The following SLC35F3 variants were observed in gnomAD, a reference collection of about 807,000 sequenced individuals.
SLC35F3 encodes the protein solute carrier family 35 member F3.
SLC35F3 carries 25 observed loss-of-function variants against 49.9 expected under a neutral mutation model. The ratio of observed to expected loss-of-function variants is 0.50; its 90% CI spans 0.37 to 0.70. SLC35F3 has a LOEUF of 0.70. Ranked by LOEUF, SLC35F3 falls within the 30% of genes least tolerant of loss-of-function variation. The pLI is 0.00. For synonymous variants in SLC35F3, 275 were observed against 265.4 expected, an observed-to-expected ratio of 1.04 and a Z score of -0.35; for missense variants, 525 against 639.8, an observed-to-expected ratio of 0.82 and a Z score of 1.94.
Position 234,230,250 on chromosome 1 carries a change from T to C in SLC35F3, c.284-1167T>C, listed in dbSNP as rs558887478. ...ACGATATTAGCTAACACCTGAAAAATAGATTACATTGAATCACAATTTTGC... is the reference window on the plus strand; with the variant it reads ...ACGATATTAGCTAACACCTGAAAAACAGATTACATTGAATCACAATTTTGC... On this transcript the variant is annotated intron_variant, in intron 2 of 7. Transcript: ENST00000366618. Among the ~76,000 whole-genome samples, 4 of 152,286 alleles carry C rather than the reference T, an allele frequency of 2.6e-5. 1 individual carries two copies. The highest frequency in any genetic ancestry group is 9.6e-5 in the African/African-American group (4 of 41,550).
intron 2 of SLC35F3, among the ~76,000 whole-genome samples, chr1:234,094,080 G>A (rs536009923): frequency 6.6e-6 from 1 of 152,304 alleles, no homozygotes; most frequent in Admixed American, 6.5e-5. Flanking sequence ...AAACTTCCAG[G>A]ACTGGTGCAG....
chr1:234,157,835 A>C (rs915216033), intron 2 of SLC35F3, among the ~76,000 whole-genome samples: 5 of 152,148 alleles, frequency 3.3e-5, no homozygotes, highest in African/African-American at 1.2e-4. Context: ...ACCAGAAATA[A>C]CTCTGTTGAA....
At position 234,231,299 on chromosome 1, in the gene SLC35F3, C is replaced by T; in HGVS notation, c.284-118C>T. 1 of 858,340 alleles carries T rather than the reference C, an allele frequency of 1.2e-6. No individual in the cohort carries two copies. Among genetic ancestry groups the T allele is most frequent in the Non-Finnish European group, 1.7e-6 (1 of 576,582 alleles). The allele number at this position is 858,340 out of a possible 1,614,324, so 53.2% of individuals were successfully genotyped here. A position where few individuals can be genotyped will look rare whatever the true frequency, so the allele number is the denominator to read the frequency against. ...GCCGCCCTGGAAGCCGCCCCTGCAC[C>T]CGCTATCTCCCCGGGCCCCCAGGTA... is the stretch of plus-strand genomic sequence containing the variant. On this transcript the variant is annotated intron_variant, in intron 2 of 7. Transcript: ENST00000366618. The surrounding 1 kb of genome is among the most constrained non-coding windows in gnomAD (Gnocchi z 5.4).
chr1:233,976,207 G>C (rs1663077603), intron 2 of SLC35F3, among the ~76,000 whole-genome samples: 1 of 152,140 alleles, frequency 6.6e-6, no homozygotes, highest in African/African-American at 2.4e-5. Flanking sequence ...AGATACTATA[G>C]TCTCCTTGTA....
rs114114414 is a variant in SLC35F3, at chr1:234,273,916, G to A, written c.609-35185G>A. Among the ~76,000 whole-genome samples, 15 of 152,156 alleles carry A rather than the reference G, an allele frequency of 9.9e-5. No homozygotes were observed. In the East Asian group the frequency reaches 1.5e-3, roughly 16 times the overall value. ...TGACCAGCACAAGTGACTGTGGACC[G>A]CATACTCATTACATGCTGCACATGG... On this transcript the variant is annotated intron_variant, in intron 3 of 7. Coordinates refer to ENST00000366618, the MANE Select transcript of SLC35F3 (RefSeq NM_173508.4).
At chr1:234,322,972 T>A (rs1231575581) in intron 7 of SLC35F3, 36 bp from the exon 8 acceptor site, 1 of 1,591,572 alleles carries the variant, frequency 6.3e-7, no homozygotes, top group African/African-American at 1.3e-5. Context: ...CCCCCAACCC[T>A]GCAGCTGAGA....
chr1:234,301,545 A>G (rs12137950), intron 3 of SLC35F3, among the ~76,000 whole-genome samples: 15,572 of 152,260 alleles, frequency 0.1, 969 homozygotes, highest in African/African-American at 0.18. Flanking sequence ...GAAACAGTAG[A>G]TGCTGGTGAG....
At chr1:234,220,293 GGT>G (rs139133246) in intron 2 of SLC35F3, among the ~76,000 whole-genome samples, 4 of 151,022 alleles carry the variant, frequency 2.6e-5, no homozygotes, top group South Asian at 2.1e-4. Context: ...TCATTTCAGG[GGT>G]GTGTGTGTGT....
At chr1:234,065,009 A>T (rs1431949399) in intron 2 of SLC35F3, among the ~76,000 whole-genome samples, 1 of 152,230 alleles carries the variant, frequency 6.6e-6, no homozygotes, top group Admixed American at 6.5e-5. Context: ...CCTGGTTATA[A>T]CAAAACATGG....
chr1:234,124,910 A>G (rs966731052), intron 2 of SLC35F3, among the ~76,000 whole-genome samples: 2 of 152,266 alleles, frequency 1.3e-5, no homozygotes, highest in African/African-American at 4.8e-5. Flanking sequence ...CTCTGTGTCT[A>G]TGTGTACACG....
chr1:234,280,018 A>G (rs1361030478), intron 3 of SLC35F3, among the ~76,000 whole-genome samples: 1 of 152,212 alleles, frequency 6.6e-6, no homozygotes, highest in East Asian at 1.9e-4. Flanking sequence ...TGGCTCATTA[A>G]GTGACTCATG....
Position 234,214,766 on chromosome 1 carries a change from T to C in SLC35F3, c.284-16651T>C. 1 of 718,136 alleles carries C rather than the reference T, an allele frequency of 1.4e-6. No homozygotes were observed. Among genetic ancestry groups the C allele is most frequent in the Non-Finnish European group, 2.1e-6 (1 of 485,674 alleles). The allele number at this position is 718,136 out of a possible 1,614,324, so 44.5% of individuals were successfully genotyped here. On this transcript the variant is annotated intron_variant, in intron 2 of 7. Transcript: ENST00000366618. This position sits in a 1 kb window ranked among gnomAD's most constrained non-coding sequence, Gnocchi z 8.0. ...GCTTCAGGGGCTGCCCTGAGCTCCC[T>C]GGCGAGCAGGAGTGAGCTGCTGCGG...
chr1:234,036,664 G>C (rs12044154), intron 2 of SLC35F3, among the ~76,000 whole-genome samples: 3,220 of 152,234 alleles, frequency 0.021, 129 homozygotes, highest in East Asian at 0.17. Context: ...TGTCAGTGTC[G>C]GGAGGGACAG....
At chr1:234,266,873 G>GTTTTTTTTTTTTTT (rs34040004) in intron 3 of SLC35F3, among the ~76,000 whole-genome samples, 1 of 108,644 alleles carries the variant, frequency 9.2e-6, no homozygotes, top group Non-Finnish European at 1.8e-5. Context: ...GAAGCACATG[G>GTTTTTTTTTTTTTT]TTTTTTTTTT....
Position 234,157,936 on chromosome 1 carries a change from C to T in SLC35F3, c.284-73481C>T, listed in dbSNP as rs576244594. Among the ~76,000 whole-genome samples the T allele has an allele frequency of 2.0e-5, 3 of 152,268 alleles. No individual in the cohort carries two copies. The East Asian group carries it at 5.8e-4, about 29-fold the overall frequency. ...CGTCAATATTTTGTGATTTTCCATACTTCCCAATAAAATGGCCTCTGAAAC... is the reference window on the plus strand; with the variant it reads ...CGTCAATATTTTGTGATTTTCCATATTTCCCAATAAAATGGCCTCTGAAAC... On this transcript the variant is annotated intron_variant, in intron 2 of 7. Coordinates refer to ENST00000366618, the MANE Select transcript of SLC35F3 (RefSeq NM_173508.4).
chr1:234,022,812 T>C (rs1663917046), intron 2 of SLC35F3, among the ~76,000 whole-genome samples: 1 of 152,204 alleles, frequency 6.6e-6, no homozygotes. Context: ...GCTATTCTTA[T>C]TAATATTAAT....
chr1:234,181,424 A>C (rs2102923795), intron 2 of SLC35F3, among the ~76,000 whole-genome samples: 1 of 152,268 alleles, frequency 6.6e-6, no homozygotes, highest in South Asian at 2.1e-4. Flanking sequence ...ATGTTATCAC[A>C]GTATTAGAAA....
chr1:234,237,116 C>G (rs759155856), intron 3 of SLC35F3, among the ~76,000 whole-genome samples: 1 of 151,386 alleles, frequency 6.6e-6, no homozygotes, highest in Non-Finnish European at 1.5e-5. Flanking sequence ...GCTTTATTCT[C>G]CAGGCAAGTG....
At chr1:234,087,546 T>C (rs1664979791) in intron 2 of SLC35F3, among the ~76,000 whole-genome samples, 1 of 152,222 alleles carries the variant, frequency 6.6e-6, no homozygotes, top group Non-Finnish European at 1.5e-5. Context: ...AAGCCAGGCC[T>C]GGGACCAAGG....
Sources: gnomAD v4.1 joint callset for allele counts (sites outside exome capture counted in the v4.1 genomes callset) on GRCh38, gnomAD v4.1.1 for gene constraint, Gnocchi (gnomAD v3.1) non-coding constraint, MANE v1.5 for transcripts, NCBI Gene and HGNC (gene_info 2026-07-23, HGNC 2026-07-21) for gene names.